PDS5A: variants seen among roughly 807,000 people sequenced by gnomAD.
PDS5A encodes the protein PDS5 cohesin associated factor A.
In PDS5A, 42 loss-of-function variants were observed where a neutral mutation model predicts 167.1. The observed-to-expected ratio is 0.25, with a 90% CI of 0.20 to 0.33. PDS5A has a LOEUF of 0.33. Ranked by LOEUF, PDS5A falls within the 10% of genes least tolerant of loss-of-function variation. The probability of loss-of-function intolerance (pLI) is 1.00; values close to 1 mark genes in which losing one functional copy is unlikely to be tolerated. For synonymous variants in PDS5A, 553 were observed against 554.6 expected (o/e 1.00, Z 0.04); for missense variants, 1,033 against 1,605.9 (o/e 0.64, Z 6.10).
intron 32 of PDS5A, among the ~76,000 whole-genome samples, chr4:39,834,923 T>A (rs538033010): frequency 1.3e-5 from 2 of 152,194 alleles, no homozygotes; most frequent in African/African-American, 4.8e-5. Context: ...CCACCTCAGC[T>A]CCCTGAGTAC....
At chr4:39,916,958 T>C in intron 8 of PDS5A, 90 bp downstream of exon 8, 1 of 644,088 alleles carries the variant, frequency 1.6e-6, no homozygotes. Context: ...CTGGAAAGTT[T>C]AAAGGGCATG....
intron 18 of PDS5A, among the ~76,000 whole-genome samples, chr4:39,878,058 A>G (rs1720615557): frequency 6.6e-6 from 1 of 152,206 alleles, no homozygotes; most frequent in African/African-American, 2.4e-5. Flanking sequence ...ACATGTCTAA[A>G]GAGTTAACCT....
chr4:39,891,345 T>A (rs1440990594), intron 16 of PDS5A, among the ~76,000 whole-genome samples: 1 of 151,712 alleles, frequency 6.6e-6, no homozygotes, highest in African/African-American at 2.4e-5. Flanking sequence ...GTTAATTTGT[T>A]TCTTAAAAAA....
intron 16 of PDS5A, chr4:39,898,167 A>C (rs1406816678): frequency 4.9e-6 from 6 of 1,235,612 alleles, no homozygotes; most frequent in Non-Finnish European, 6.1e-6. Flanking sequence ...AAAATTCCTA[A>C]GACCAATCTC....
intron 32 of PDS5A, among the ~76,000 whole-genome samples, chr4:39,830,928 T>C (rs556486789): frequency 3.7e-4 from 57 of 152,254 alleles, no homozygotes; most frequent in Non-Finnish European, 6.2e-4. Context: ...TTATTTCAAA[T>C]AAACTAGTGC....
chr4:39,866,791 T>A, intron 23 of PDS5A, 70 bp downstream of exon 23: 1 of 1,367,702 alleles, frequency 7.3e-7, no homozygotes, highest in Non-Finnish European at 1.0e-6. Flanking sequence ...ATTCATTAGG[T>A]AAATAATTCC....
chr4:39,965,272 A>AAAAGAACCCAGCTGGG (rs1158667472), intron 2 of PDS5A, among the ~76,000 whole-genome samples: 1 of 152,222 alleles, frequency 6.6e-6, no homozygotes, highest in Non-Finnish European at 1.5e-5. Flanking sequence ...CATCTTACAG[A>AAAAGAACCCAGCTGGG]AAAGAACCCA....
At chr4:39,875,709 C>T (rs1234661120) in intron 19 of PDS5A, among the ~76,000 whole-genome samples, 1 of 152,110 alleles carries the variant, frequency 6.6e-6, no homozygotes, top group Non-Finnish European at 1.5e-5. Context: ...AACAGACTTC[C>T]TTGACTGAGT....
chr4:39,887,829 C>A (rs1212698226), intron 17 of PDS5A, among the ~76,000 whole-genome samples: 1 of 152,046 alleles, frequency 6.6e-6, no homozygotes, highest in Non-Finnish European at 1.5e-5. Flanking sequence ...CCTGTGTCAA[C>A]GGATTAATAA....
At chr4:39,845,903 A>G (rs1717548462) in intron 28 of PDS5A, 23 bp from the exon 29 acceptor site, 1 of 1,327,932 alleles carries the variant, frequency 7.5e-7, no homozygotes, top group Admixed American at 3.9e-5. Context: ...AAAAAGAAAA[A>G]GAAAAAAGAA....
In PDS5A at chr4:39,845,893, AAAAAG is replaced by A; in HGVS notation, c.3340-18_3340-14del. On this transcript the variant is annotated splice_polypyrimidine_tract_variant and intron_variant, in intron 28 of 32. Coordinates refer to ENST00000303538, the MANE Select transcript of PDS5A (RefSeq NM_001100399.2). ...CGTTACAGAAGTCCTATTAAAAAAA[AAAAAG>A]AAAAAGAAAAAAGAAACACCAATCA... is the stretch of plus-strand genomic sequence containing the variant. 15 of 1,335,278 alleles carry A rather than the reference AAAAAG, an allele frequency of 1.1e-5. No individual in the cohort carries two copies. Among genetic ancestry groups the A allele is most frequent in the South Asian group, 3.6e-5 (2 of 55,236 alleles). The allele number at this position is 1,335,278 out of a possible 1,614,324, so 82.7% of individuals were successfully genotyped here. A position where few individuals can be genotyped will look rare whatever the true frequency, so the allele number is the denominator to read the frequency against.
intron 9 of PDS5A, among the ~76,000 whole-genome samples, chr4:39,913,394 C>A (rs537190718): frequency 6.6e-6 from 1 of 152,190 alleles, no homozygotes; most frequent in Non-Finnish European, 1.5e-5. Context: ...ATTATTTTAA[C>A]ACAAAGAAGT....
intron 2 of PDS5A, among the ~76,000 whole-genome samples, chr4:39,930,246 A>AAAAATTTTTTTTT: frequency 1.1e-5 from 1 of 93,088 alleles, no homozygotes; most frequent in Non-Finnish European, 2.2e-5. Flanking sequence ...AAAAAAAAAA[A>AAAAATTTTTTTTT]GTTTTTTTGT....
intron 26 of PDS5A, among the ~76,000 whole-genome samples, chr4:39,851,565 G>A (rs1378527378): frequency 1.3e-5 from 2 of 152,176 alleles, no homozygotes; most frequent in African/African-American, 4.8e-5. Flanking sequence ...CAGGACTGCA[G>A]GCGTAAGCTA....
At chr4:39,943,652 C>G (rs1334937713) in intron 2 of PDS5A, among the ~76,000 whole-genome samples, 1 of 145,010 alleles carries the variant, frequency 6.9e-6, no homozygotes, top group African/African-American at 2.5e-5. Context: ...ACAAAAAATA[C>G]AAAAATTAGC....
At chr4:39,869,278 C>A in intron 22 of PDS5A, 116 bp downstream of exon 22, 1 of 723,748 alleles carries the variant, frequency 1.4e-6, no homozygotes. Context: ...CAAGACCAAA[C>A]TGAGCAACAC....
intron 2 of PDS5A, among the ~76,000 whole-genome samples, chr4:39,930,814 G>A (rs184244434): frequency 5.3e-5 from 8 of 152,026 alleles, no homozygotes; most frequent in African/African-American, 1.4e-4. Context: ...GAATCATAAC[G>A]GAAATGAGAA....
intron 27 of PDS5A, among the ~76,000 whole-genome samples, chr4:39,849,234 AAGC>A (rs1186071277): frequency 6.6e-6 from 1 of 152,176 alleles, no homozygotes; most frequent in Non-Finnish European, 1.5e-5. Flanking sequence ...CAAAAAGAAT[AAGC>A]ATTTGTCTGT....
At chr4:39,960,439 G>A (rs1729375331) in intron 2 of PDS5A, among the ~76,000 whole-genome samples, 1 of 152,172 alleles carries the variant, frequency 6.6e-6, no homozygotes, top group African/African-American at 2.4e-5. Context: ...AACTAGCTAG[G>A]AAGCTATGAA....
Sources: allele counts gnomAD v4.1 joint callset (sites outside exome capture counted in the v4.1 genomes callset), GRCh38; gene constraint gnomAD v4.1.1; transcripts MANE v1.5; gene names NCBI Gene and HGNC (gene_info 2026-07-23, HGNC 2026-07-21).